LEKR1: variants seen among roughly 807,000 people sequenced by gnomAD.
LEKR1 encodes the protein leucine, glutamate and lysine rich 1.
Under a neutral mutation model 72.4 loss-of-function variants are expected in LEKR1, and 59 were observed. That is an observed-to-expected ratio of 0.82 (90% CI 0.66 to 1.01). LEKR1 has a LOEUF of 1.01. LEKR1 is among the 50% of genes least tolerant of loss of function. The pLI, the probability that LEKR1 is intolerant of heterozygous loss-of-function variation, is 0.00. For missense variants in LEKR1, 728 were observed against 759.2 expected (o/e 0.96, Z 0.48); for synonymous variants, 257 against 263.2 (o/e 0.98, Z 0.23).
At position 157,028,243 on chromosome 3, in the gene LEKR1, G is replaced by C. The variant is rs769953972; in HGVS notation, c.1509G>C (p.Leu503Phe). Residue 503 changes from leucine (L) to phenylalanine (F), a missense_variant, in exon 12 of 13, where the codon TTG becomes TTC. Physicochemically the swap from Leu to Phe is conservative, Grantham distance 22. Transcript: ENST00000356539. ...AAGAAATTGAAAATCTTAAAAATTT[G>C]GTTGCAGAATTTGAATCTCGCTTGA... ...KEKEIENLKN[L>F]VAEFESRLKK... 6.2e-7 allele frequency: 1 copy of C among 1,613,426 alleles called. No homozygotes were observed. The highest frequency in any genetic ancestry group is 8.5e-7 in the Non-Finnish European group (1 of 1,179,654).
chr3:156,924,537 G>A (rs141627958), intron 4 of LEKR1: 10 of 670,612 alleles, frequency 1.5e-5, no homozygotes, highest in East Asian at 1.1e-4. Context: ...GTCTAAGCCG[G>A]TCAGAAGGAT....
intron 3 of LEKR1, among the ~76,000 whole-genome samples, chr3:156,868,324 A>G (rs62275174): frequency 0.032 from 4,840 of 152,162 alleles, 116 homozygotes; most frequent in Non-Finnish European, 0.047. Flanking sequence ...TAGAATGTAT[A>G]TTCCATTTTT....
chr3:156,868,305 A>G (rs1717535062), intron 3 of LEKR1, among the ~76,000 whole-genome samples: 1 of 152,068 alleles, frequency 6.6e-6, no homozygotes. Flanking sequence ...ATGAATCATA[A>G]TAATTTCCTA....
Position 156,992,712 on chromosome 3 carries a change from C to A in LEKR1, c.887C>A (p.Ser296Tyr). 1 of 1,031,438 alleles carries A rather than the reference C, an allele frequency of 9.7e-7. No homozygotes were observed. Among genetic ancestry groups the A allele is most frequent in the Non-Finnish European group, 1.2e-6 (1 of 818,430 alleles). The allele number at this position is 1,031,438 out of a possible 1,614,324, so 63.9% of individuals were successfully genotyped here. ...QRELKKLKFE[S>Y]IISESQHTML... ...GAACTTAAAAAACTGAAGTTTGAATCCATTATTTCTGAGTCACAGTATGCA... is the reference window on the plus strand; with the variant it reads ...GAACTTAAAAAACTGAAGTTTGAATACATTATTTCTGAGTCACAGTATGCA... The change falls in exon 8 of 13, where the codon TCC becomes TAC. Residue 296 changes from serine (S) to tyrosine (Y), a missense_variant. Transcript: ENST00000356539.
intron 5 of LEKR1, among the ~76,000 whole-genome samples, chr3:156,934,455 G>A (rs1389741373): frequency 1.3e-5 from 2 of 152,174 alleles, no homozygotes; most frequent in Non-Finnish European, 2.9e-5. Context: ...TGGAAAGGGA[G>A]CAGAGGCTTC....
At chr3:157,034,907 G>A (rs755224286) in intron 12 of LEKR1, among the ~76,000 whole-genome samples, 24 of 152,094 alleles carry the variant, frequency 1.6e-4, no homozygotes, top group Admixed American at 3.9e-4. Flanking sequence ...CTGCCTCCCA[G>A]GTTCAAGTGA....
intron 3 of LEKR1, among the ~76,000 whole-genome samples, chr3:156,875,549 C>T (rs1378533281): frequency 6.6e-6 from 1 of 152,010 alleles, no homozygotes. Context: ...ATCTATTTAT[C>T]TTTGTTTTTG....
chr3:156,939,289 A>G (rs993824593), intron 5 of LEKR1, among the ~76,000 whole-genome samples: 6 of 152,208 alleles, frequency 3.9e-5, no homozygotes, highest in South Asian at 4.1e-4. Flanking sequence ...TACACAGGGA[A>G]AAGGCAGCCA....
intron 3 of LEKR1, among the ~76,000 whole-genome samples, chr3:156,915,021 A>G (rs1377952994): frequency 2.0e-5 from 3 of 151,996 alleles, no homozygotes; most frequent in Non-Finnish European, 4.4e-5. Context: ...GCTCCCACTT[A>G]TAAGTGAGAA....
intron 6 of LEKR1, among the ~76,000 whole-genome samples, chr3:156,967,686 G>C (rs1391313423): frequency 2.0e-5 from 3 of 152,204 alleles, no homozygotes; most frequent in African/African-American, 7.2e-5. Context: ...ATGGAACCAA[G>C]TTGGAAAACA....
intron 3 of LEKR1, chr3:156,888,532 A>G (rs533038754): frequency 2.5e-5 from 15 of 589,388 alleles, no homozygotes; most frequent in Middle Eastern, 3.2e-4. Flanking sequence ...GGAGAAACAC[A>G]TAAAAAGACT....
intron 6 of LEKR1, among the ~76,000 whole-genome samples, chr3:156,978,711 G>A (rs1375211862): frequency 6.6e-6 from 1 of 152,082 alleles, no homozygotes; most frequent in East Asian, 1.9e-4. Flanking sequence ...ATGCCTTTTA[G>A]ATGCTACCCA....
intron 6 of LEKR1, among the ~76,000 whole-genome samples, chr3:156,954,397 A>C (rs1242914195): frequency 6.6e-6 from 1 of 151,888 alleles, no homozygotes; most frequent in Admixed American, 6.6e-5. Flanking sequence ...TTTTGTTGCT[A>C]TTGCTTTTAA....
chr3:157,013,430 G>A (rs753168100), intron 10 of LEKR1, among the ~76,000 whole-genome samples: 42 of 152,062 alleles, frequency 2.8e-4, no homozygotes, highest in Non-Finnish European at 6.0e-4. Context: ...ACATATGAAA[G>A]CATTTATGTT....
At chr3:156,996,418 A>G (rs556545338) in intron 9 of LEKR1, among the ~76,000 whole-genome samples, 2 of 152,266 alleles carry the variant, frequency 1.3e-5, no homozygotes, top group East Asian at 3.9e-4. Flanking sequence ...GTGGCATAGT[A>G]AGTGTGAGTG....
chr3:156,915,525 T>C (rs1723548188), intron 3 of LEKR1, among the ~76,000 whole-genome samples: 1 of 152,196 alleles, frequency 6.6e-6, no homozygotes, highest in Non-Finnish European at 1.5e-5. Context: ...TTGAGTTTTT[T>C]TTCATATGCT....
At chr3:156,992,202 C>G (rs1731190429) in intron 7 of LEKR1, among the ~76,000 whole-genome samples, 1 of 152,200 alleles carries the variant, frequency 6.6e-6, no homozygotes, top group African/African-American at 2.4e-5. Context: ...ATACCATGGC[C>G]TCTGGTTCTA....
chr3:157,027,973 A>T (rs1381131083), intron 11 of LEKR1, 130 bp from the exon 12 acceptor site: 1 of 548,094 alleles, frequency 1.8e-6, no homozygotes, highest in East Asian at 3.1e-5. Context: ...AGGCCTGCAC[A>T]TCATGGGTTT....
rs75900591 is a variant in LEKR1 at position 157,043,376 on chromosome 3, C to T, written c.1669-1964C>T. On this transcript the variant is annotated intron_variant, in intron 12 of 12. Transcript: ENST00000356539. ...CAAAAAATATAATGGATTGGGTCTT[C>T]CCCCCACTTTAAAAGAAACTTTGAT... Among the ~76,000 whole-genome samples, 645 of 152,182 alleles carry T rather than the reference C, an allele frequency of 4.2e-3. 2 individuals carry two copies. The highest frequency in any genetic ancestry group is 0.015 in the African/African-American group (620 of 41,520).
Sources: allele counts gnomAD v4.1 joint callset (sites outside exome capture counted in the v4.1 genomes callset), GRCh38; gene constraint gnomAD v4.1.1; transcripts MANE v1.5; gene names NCBI Gene and HGNC (gene_info 2026-07-23, HGNC 2026-07-21).